AVEN: variants seen among roughly 807,000 people sequenced by gnomAD.
The protein encoded by AVEN is apoptosis and caspase activation inhibitor.
In AVEN, 41 loss-of-function variants were observed where a neutral mutation model predicts 38.1. The ratio of observed to expected loss-of-function variants is 1.08; its 90% CI spans 0.84 to 1.40. AVEN has a LOEUF of 1.40. Among genes scored for constraint, AVEN ranks in the 40% most tolerant of loss-of-function variants. The pLI, the probability that AVEN is intolerant of heterozygous loss-of-function variation, is 0.00. For synonymous variants in AVEN, 206 were observed against 171.8 expected (o/e 1.20, Z -1.56); for missense variants, 605 against 438.8 (o/e 1.38, Z -3.38).
chr15:34,056,628 A>C (rs1900161770), intron 5 of AVEN, among the ~76,000 whole-genome samples: 2 of 152,136 alleles, frequency 1.3e-5, no homozygotes, highest in Non-Finnish European at 2.9e-5. Flanking sequence ...CTATGAGCAG[A>C]CTCTGAGGAA....
chr15:34,055,682 C>A (rs1325665918), intron 5 of AVEN, among the ~76,000 whole-genome samples: 2 of 143,538 alleles, frequency 1.4e-5, no homozygotes, highest in Non-Finnish European at 3.1e-5. Context: ...GTGCCTGTAG[C>A]CCCAGCTACT....
intron 3 of AVEN, among the ~76,000 whole-genome samples, chr15:33,873,703 G>C: frequency 6.6e-6 from 1 of 151,862 alleles, no homozygotes; most frequent in Non-Finnish European, 1.5e-5. Flanking sequence ...AATGAATTCA[G>C]TTTCAGCCAT....
chr15:33,865,242 G>A (rs372234513), downstream of AVEN: 233 of 1,551,906 alleles, frequency 1.5e-4, 2 homozygotes, highest in South Asian at 2.4e-3. Context: ...AATCAAAGAA[G>A]CGCGACAATT....
chr15:33,909,974 A>G (rs1892857671), intron 2 of AVEN, among the ~76,000 whole-genome samples: 1 of 152,000 alleles, frequency 6.6e-6, no homozygotes, highest in South Asian at 2.1e-4. Flanking sequence ...TACAAATACA[A>G]AAAATTAGCT....
At chr15:34,006,965 A>C (rs1465524678) in intron 1 of AVEN, 1 of 652,708 alleles carries the variant, frequency 1.5e-6, no homozygotes, top group Non-Finnish European at 1.9e-6. Context: ...AACAAGGTGA[A>C]AACTATAAAG....
chr15:33,860,398 A>G (rs1284178548), intron 11 of AVEN, among the ~76,000 whole-genome samples: 4 of 152,242 alleles, frequency 2.6e-5, no homozygotes, highest in African/African-American at 9.6e-5. Context: ...TGCATGGTGT[A>G]GAAAGGTAGA....
In AVEN at chr15:33,868,972, G is replaced by A. The variant is rs576128644; in HGVS notation, c.613-1117C>T. Among the ~76,000 whole-genome samples, 5 of 152,336 alleles carry A rather than the reference G, an allele frequency of 3.3e-5. No homozygotes were observed. In the East Asian group the frequency reaches 7.7e-4, roughly 23 times the overall value. On this transcript the variant is annotated intron_variant, in intron 4 of 5. Coordinates refer to ENST00000306730, the MANE Select transcript of AVEN (RefSeq NM_020371.3). Reference sequence around the variant, plus strand: ...CTGAGAATCACCGCTCTCGAGGGAAGGCTCCAGGGATGAGCAAGGCCTCAC... The same window carrying A: ...CTGAGAATCACCGCTCTCGAGGGAAAGCTCCAGGGATGAGCAAGGCCTCAC...
chr15:34,030,537 A>T (rs150598493), intron 1 of AVEN, among the ~76,000 whole-genome samples: 3,124 of 152,108 alleles, frequency 0.021, 100 homozygotes, highest in African/African-American at 0.07. Context: ...TAGTAGAGAC[A>T]GGGTTTCATT....
intron 2 of AVEN, among the ~76,000 whole-genome samples, chr15:33,974,112 C>CA (rs1277518801): frequency 6.6e-6 from 1 of 152,136 alleles, no homozygotes; most frequent in African/African-American, 2.4e-5. Flanking sequence ...CTCTATTTGA[C>CA]ATATGGAAAT....
At chr15:33,853,571 G>C in the AVEN span, 2 of 1,613,808 alleles carry the variant, frequency 1.2e-6, no homozygotes. Context: ...AACAAGTATG[G>C]AGATCTCTAC....
chr15:33,861,455 C>CTTCT, downstream of AVEN, among the ~76,000 whole-genome samples: 1 of 151,356 alleles, frequency 6.6e-6, no homozygotes, highest in East Asian at 2.0e-4. Context: ...CTCTACTGGA[C>CTTCT]TTCTTCTATC....
rs941127139 is a variant in AVEN, at chr15:33,899,460, C to T, written c.446-23465G>A. On this transcript the variant is annotated intron_variant, in intron 2 of 5. Coordinates refer to ENST00000306730, the MANE Select transcript of AVEN (RefSeq NM_020371.3). Reference sequence around the variant, plus strand: ...TACATTTATTTGCTTCAGGGAAAACCTTTTTTTTTTTTTTTTTTTTTTTTT... The same window carrying T: ...TACATTTATTTGCTTCAGGGAAAACTTTTTTTTTTTTTTTTTTTTTTTTTT... Among the ~76,000 whole-genome samples, 21 of 65,436 alleles carry T rather than the reference C, an allele frequency of 3.2e-4. 1 individual carries two copies. In the East Asian group the frequency reaches 6.9e-3, roughly 21 times the overall value. The allele number at this position is 65,436 out of a possible 152,430, so 42.9% of individuals were successfully genotyped here.
intron 1 of AVEN, among the ~76,000 whole-genome samples, chr15:34,073,207 A>AT (rs761265891): frequency 0.21 from 23,486 of 111,808 alleles, 3,656 homozygotes; most frequent in East Asian, 0.44. Context: ...CGCCCGGCTA[A>AT]TTTTTTTTTT....
chr15:33,877,430 A>C (rs947283776), intron 2 of AVEN, among the ~76,000 whole-genome samples: 2 of 152,258 alleles, frequency 1.3e-5, no homozygotes, highest in African/African-American at 4.8e-5. Flanking sequence ...AACCAAAACA[A>C]TGAGTGAAAG....
In AVEN at chr15:33,949,389, A is replaced by G. The variant is rs117794597; in HGVS notation, c.445+53643T>C. ...TCGTTAATTTACGCTATATTTCAAA[A>G]TATCTATAAGATTTGGGATGTTCTC... is the stretch of plus-strand genomic sequence containing the variant. On this transcript the variant is annotated intron_variant, in intron 2 of 5. Transcript: ENST00000306730. 8.1e-3 allele frequency among the ~76,000 whole-genome samples: 1,241 copies of G among 152,308 alleles called. 10 individuals are homozygous for G. Among genetic ancestry groups the G allele is most frequent in the Non-Finnish European group, 0.014 (951 of 68,036 alleles).
At chr15:33,928,849 T>A (rs1358831178) in intron 2 of AVEN, among the ~76,000 whole-genome samples, 1 of 152,142 alleles carries the variant, frequency 6.6e-6, no homozygotes, top group African/African-American at 2.4e-5. Context: ...ACCTGCCTCA[T>A]GGACAAGAAT....
intron 2 of AVEN, among the ~76,000 whole-genome samples, chr15:33,972,714 T>C (rs1262185491): frequency 6.6e-6 from 1 of 152,208 alleles, no homozygotes; most frequent in Non-Finnish European, 1.5e-5. Flanking sequence ...AGACCTCTTT[T>C]TGTAATCTTT....
At chr15:33,950,336 C>A (rs1197775719) in intron 2 of AVEN, among the ~76,000 whole-genome samples, 1 of 152,202 alleles carries the variant, frequency 6.6e-6, no homozygotes, top group African/African-American at 2.4e-5. Flanking sequence ...AAGAGTTGTT[C>A]TTAGTATTCT....
intron 5 of AVEN, among the ~76,000 whole-genome samples, chr15:34,046,091 C>G (rs1899671190): frequency 6.6e-6 from 1 of 152,190 alleles, no homozygotes; most frequent in Admixed American, 6.5e-5. Context: ...CAGATAACCA[C>G]TTATATTTCA....
Sources: gnomAD v4.1 joint callset for allele counts (sites outside exome capture counted in the v4.1 genomes callset) on GRCh38, gnomAD v4.1.1 for gene constraint, MANE v1.5 for transcripts, NCBI Gene and HGNC (gene_info 2026-07-23, HGNC 2026-07-21) for gene names.